The following FSTL5 variants were observed in gnomAD, a reference collection of about 807,000 sequenced individuals.
FSTL5 encodes follistatin-related protein 5.
Under a neutral mutation model 89.1 loss-of-function variants are expected in FSTL5, and 62 were observed. That is an observed-to-expected ratio of 0.70 (90% CI 0.57 to 0.86). The LOEUF is 0.86. Ranked by LOEUF, FSTL5 falls within the 40% of genes least tolerant of loss-of-function variation. The pLI, the probability that FSTL5 is intolerant of heterozygous loss-of-function variation, is 0.00. For synonymous variants in FSTL5, 383 were observed against 346.2 expected (o/e 1.11, Z -1.18); for missense variants, 1,057 against 1,001.6 (o/e 1.06, Z -0.75).
intron 2 of FSTL5, among the ~76,000 whole-genome samples, chr4:162,096,803 T>A (rs547008561): frequency 6.6e-6 from 1 of 152,042 alleles, no homozygotes; most frequent in South Asian, 2.1e-4. Flanking sequence ...AATAAAGTTA[T>A]AGGATTAATA....
At chr4:161,626,628 A>G (rs1240003498) in intron 7 of FSTL5, among the ~76,000 whole-genome samples, 1 of 152,204 alleles carries the variant, frequency 6.6e-6, no homozygotes. Flanking sequence ...TGGATCAAGA[A>G]TAATTTTTCA....
intron 4 of FSTL5, among the ~76,000 whole-genome samples, chr4:161,840,103 T>C (rs1731166567): frequency 6.6e-6 from 1 of 152,268 alleles, no homozygotes; most frequent in South Asian, 2.1e-4. Context: ...TGTTCACCAG[T>C]GTTACCTGTT....
intron 4 of FSTL5, among the ~76,000 whole-genome samples, chr4:161,839,365 A>T (rs17041640): frequency 0.09 from 13,727 of 152,192 alleles, 779 homozygotes; most frequent in African/African-American, 0.16. Flanking sequence ...TATAGACACA[A>T]CAGATAAGGT....
chr4:161,635,420 T>A (rs1334564009), intron 7 of FSTL5, among the ~76,000 whole-genome samples: 1 of 151,982 alleles, frequency 6.6e-6, no homozygotes, highest in African/African-American at 2.4e-5. Context: ...TATATCTACC[T>A]GCTATACAAA....
intron 13 of FSTL5, among the ~76,000 whole-genome samples, chr4:161,461,134 A>C (rs998383547): frequency 1.4e-4 from 21 of 151,892 alleles, no homozygotes; most frequent in African/African-American, 4.6e-4. Context: ...TAGTTTCCAA[A>C]GTCATTTTGA....
chr4:161,994,080 T>C (rs1736218593), intron 3 of FSTL5, among the ~76,000 whole-genome samples: 1 of 152,168 alleles, frequency 6.6e-6, no homozygotes, highest in Admixed American at 6.5e-5. Flanking sequence ...GAGTGTCTGT[T>C]GTTCCTTTCT....
At chr4:161,536,491 T>C (rs1484828260) in intron 10 of FSTL5, among the ~76,000 whole-genome samples, 1 of 152,162 alleles carries the variant, frequency 6.6e-6, no homozygotes, top group Admixed American at 6.6e-5. Context: ...CAAGGGAAAC[T>C]ATCTTCTATC....
chr4:161,787,153 A>G (rs1741933750), intron 4 of FSTL5, among the ~76,000 whole-genome samples: 1 of 152,136 alleles, frequency 6.6e-6, no homozygotes, highest in African/African-American at 2.4e-5. Flanking sequence ...GATATTCAAT[A>G]TATCTTCAGT....
intron 4 of FSTL5, among the ~76,000 whole-genome samples, chr4:161,820,204 C>T (rs746365720): frequency 2.6e-5 from 4 of 151,928 alleles, no homozygotes; most frequent in South Asian, 2.1e-4. Flanking sequence ...AAAATAAGCT[C>T]GAATGTATTA....
intron 4 of FSTL5, among the ~76,000 whole-genome samples, chr4:161,827,133 G>A (rs1730692705): frequency 1.3e-5 from 2 of 152,132 alleles, no homozygotes; most frequent in African/African-American, 4.8e-5. Context: ...AGATTCTTTT[G>A]TCCCACAGGG....
At chr4:162,021,068 T>C (rs1737064625) in intron 3 of FSTL5, among the ~76,000 whole-genome samples, 1 of 152,124 alleles carries the variant, frequency 6.6e-6, no homozygotes, top group Non-Finnish European at 1.5e-5. Flanking sequence ...TTGTTTACAT[T>C]TTTATTTGCT....
intron 7 of FSTL5, among the ~76,000 whole-genome samples, chr4:161,649,715 C>G (rs763267966): frequency 6.6e-6 from 1 of 152,054 alleles, no homozygotes; most frequent in African/African-American, 2.4e-5. Flanking sequence ...AGTAGTATGC[C>G]GAACTAAATG....
chr4:162,101,696 C>A (rs1200405662), intron 2 of FSTL5, among the ~76,000 whole-genome samples: 3 of 152,122 alleles, frequency 2.0e-5, no homozygotes, highest in Admixed American at 2.0e-4. Context: ...ACAAATAAAA[C>A]CCTTCCAGTT....
chr4:161,433,853 G>T (rs1016552712), intron 15 of FSTL5, among the ~76,000 whole-genome samples: 21 of 152,016 alleles, frequency 1.4e-4, no homozygotes, highest in African/African-American at 3.9e-4. Flanking sequence ...TGAAAGAAAT[G>T]AAAGATCTCA....
chr4:162,082,286 G>C (rs1052253588), intron 2 of FSTL5, among the ~76,000 whole-genome samples: 1 of 151,550 alleles, frequency 6.6e-6, no homozygotes, highest in Non-Finnish European at 1.5e-5. Flanking sequence ...TTTTCAAATT[G>C]CTGCAACTGA....
intron 4 of FSTL5, among the ~76,000 whole-genome samples, chr4:161,884,060 A>AC (rs1553976126): frequency 1.3e-5 from 2 of 151,192 alleles, no homozygotes; most frequent in East Asian, 2.0e-4. Flanking sequence ...TTTTAATTTA[A>AC]TTTTTTTTGA....
At chr4:161,904,636 GA>G (rs56092519) in intron 4 of FSTL5, among the ~76,000 whole-genome samples, 78,539 of 150,662 alleles carry the variant, frequency 0.52, 20,891 homozygotes, top group Middle Eastern at 0.68. Context: ...AACAAAAACA[GA>G]AAAAAAATCA....
At chr4:161,903,464 C>T (rs1329793694) in intron 4 of FSTL5, among the ~76,000 whole-genome samples, 2 of 151,696 alleles carry the variant, frequency 1.3e-5, no homozygotes, top group Non-Finnish European at 2.9e-5. Flanking sequence ...TCTTCTCTAC[C>T]TTTGCTCCAA....
chr4:161,747,764 G>T (rs1021776655), intron 6 of FSTL5, among the ~76,000 whole-genome samples: 1 of 152,158 alleles, frequency 6.6e-6, no homozygotes, highest in African/African-American at 2.4e-5. Context: ...GCAGCACTCA[G>T]GCCCTAACAA....
Sources: gnomAD v4.1 joint callset for allele counts (sites outside exome capture counted in the v4.1 genomes callset) on GRCh38, gnomAD v4.1.1 for gene constraint, MANE v1.5 for transcripts, NCBI Gene and HGNC (gene_info 2026-07-23, HGNC 2026-07-21) for gene names.